The following RPS6KC1 variants were observed in gnomAD, a reference collection of about 807,000 sequenced individuals.
RPS6KC1 encodes the protein ribosomal protein S6 kinase C1, also known as inactive ribosomal protein S6 kinase delta-1.
Under a neutral mutation model 103.8 loss-of-function variants are expected in RPS6KC1, and 54 were observed. The observed-to-expected ratio is 0.52, with a 90% confidence interval of 0.42 to 0.65. The LOEUF is 0.65. RPS6KC1 is among the 30% of genes least tolerant of loss of function. The pLI, the probability that RPS6KC1 is intolerant of heterozygous loss-of-function variation, is 0.00. For synonymous variants in RPS6KC1, 439 were observed against 438.7 expected (o/e 1.00, Z -0.01); for missense variants, 1,151 against 1,253.8 (o/e 0.92, Z 1.24).
intron 12 of RPS6KC1, among the ~76,000 whole-genome samples, chr1:213,248,773 G>A (rs1221714124): frequency 6.6e-6 from 1 of 152,138 alleles, no homozygotes; most frequent in East Asian, 1.9e-4. Context: ...CTCCTATCAA[G>A]CCAGAATGCG....
chr1:213,849,729 T>C, the RPS6KC1 span, among the ~76,000 whole-genome samples: 2 of 152,210 alleles, frequency 1.3e-5, no homozygotes, highest in African/African-American at 4.8e-5. Context: ...GCACTATGTT[T>C]TACTTTTCAT....
the RPS6KC1 span, among the ~76,000 whole-genome samples, chr1:213,580,852 A>G: frequency 2.0e-5 from 3 of 152,046 alleles, no homozygotes; most frequent in East Asian, 1.9e-4. Context: ...TTAATGGACT[A>G]TAGTATAGTG....
chr1:213,463,480 T>C, the RPS6KC1 span, among the ~76,000 whole-genome samples: 1 of 152,192 alleles, frequency 6.6e-6, no homozygotes, highest in African/African-American at 2.4e-5. Context: ...GTGTACCTTT[T>C]ACTCAGTTTC....
the RPS6KC1 span, among the ~76,000 whole-genome samples, chr1:213,326,842 A>G: frequency 6.6e-6 from 1 of 152,200 alleles, no homozygotes; most frequent in Non-Finnish European, 1.5e-5. Context: ...GGCCTCACAG[A>G]TTCAGACAGA....
chr1:213,163,471 A>T (rs2090666632), intron 6 of RPS6KC1, among the ~76,000 whole-genome samples: 1 of 152,234 alleles, frequency 6.6e-6, no homozygotes, highest in Non-Finnish European at 1.5e-5. Flanking sequence ...AAAATTTCCC[A>T]CGAAACACAG....
the RPS6KC1 span, among the ~76,000 whole-genome samples, chr1:213,439,714 TA>T: frequency 6.6e-6 from 1 of 152,180 alleles, no homozygotes; most frequent in Admixed American, 6.5e-5. Flanking sequence ...GAACCCTTCT[TA>T]AAATGGTTCT....
chr1:213,571,996 C>A, the RPS6KC1 span, among the ~76,000 whole-genome samples: 1 of 152,178 alleles, frequency 6.6e-6, no homozygotes, highest in African/African-American at 2.4e-5. Context: ...TCTGAATTTC[C>A]CCAGAGGTTG....
the RPS6KC1 span, among the ~76,000 whole-genome samples, chr1:213,311,373 T>A: frequency 6.6e-6 from 1 of 152,092 alleles, no homozygotes; most frequent in Admixed American, 6.5e-5. Flanking sequence ...CTCCTGACCT[T>A]GTGATCCACC....
chr1:213,813,121 C>T, the RPS6KC1 span, among the ~76,000 whole-genome samples: 2 of 151,878 alleles, frequency 1.3e-5, no homozygotes, highest in Non-Finnish European at 1.5e-5. Flanking sequence ...TGTGGTGGCA[C>T]GCAACTGTAG....
the RPS6KC1 span, among the ~76,000 whole-genome samples, chr1:213,442,732 A>G: frequency 1.3e-5 from 2 of 152,170 alleles, no homozygotes; most frequent in Non-Finnish European, 2.9e-5. Context: ...GTGGACTTCC[A>G]TGGGGTTGTT....
intron 8 of RPS6KC1, among the ~76,000 whole-genome samples, chr1:213,223,616 G>A (rs191339096): frequency 6.6e-6 from 1 of 152,146 alleles, no homozygotes; most frequent in East Asian, 1.9e-4. Flanking sequence ...TTGGTCGCTG[G>A]GCACTTAGGT....
At chr1:213,209,857 A>C (rs1442313189) in intron 8 of RPS6KC1, among the ~76,000 whole-genome samples, 1 of 152,128 alleles carries the variant, frequency 6.6e-6, no homozygotes, top group African/African-American at 2.4e-5. Flanking sequence ...AAGGGGTGTG[A>C]ATTTCCCAGA....
At chr1:213,844,140 T>C in the RPS6KC1 span, among the ~76,000 whole-genome samples, 1 of 152,214 alleles carries the variant, frequency 6.6e-6, no homozygotes, top group Non-Finnish European at 1.5e-5. Context: ...AATGCACACA[T>C]TGTAATAAAC....
At chr1:213,363,459 G>A in the RPS6KC1 span, among the ~76,000 whole-genome samples, 1 of 152,162 alleles carries the variant, frequency 6.6e-6, no homozygotes, top group Non-Finnish European at 1.5e-5. Flanking sequence ...CATCATTAGG[G>A]AAGACCTTGT....
chr1:213,293,236 C>G, the RPS6KC1 span, among the ~76,000 whole-genome samples: 3 of 152,142 alleles, frequency 2.0e-5, no homozygotes, highest in Admixed American at 2.0e-4. Flanking sequence ...TAGTAAACAC[C>G]TCAACTTTTT....
At chr1:213,506,158 C>T in the RPS6KC1 span, among the ~76,000 whole-genome samples, 1 of 152,130 alleles carries the variant, frequency 6.6e-6, no homozygotes, top group Non-Finnish European at 1.5e-5. Context: ...CCATCTTGTA[C>T]TACAGTATAG....
the RPS6KC1 span, among the ~76,000 whole-genome samples, chr1:213,507,199 A>G: frequency 6.6e-6 from 1 of 152,330 alleles, no homozygotes; most frequent in African/African-American, 2.4e-5. Context: ...GTCACATTTT[A>G]GGATCCCCAC....
At position 213,167,837 on chromosome 1, in the gene RPS6KC1, T is replaced by C. The variant is rs372751505; in HGVS notation, c.836-21T>C. ...AACTGAGGAAAATTTATTTTTTACA[T>C]GTCCAGACTTTTTTTTTTAGGAGAG... On this transcript the variant is annotated intron_variant, in intron 6 of 14. Coordinates refer to ENST00000366960, the MANE Select transcript of RPS6KC1 (RefSeq NM_012424.6). 9 of 1,539,410 alleles carry C rather than the reference T, an allele frequency of 5.8e-6. 1 individual carries two copies. The highest frequency in any genetic ancestry group is 2.3e-5 in the East Asian group (1 of 44,364).
chr1:213,700,124 C>T, the RPS6KC1 span, among the ~76,000 whole-genome samples: 4 of 151,752 alleles, frequency 2.6e-5, no homozygotes, highest in African/African-American at 9.7e-5. Flanking sequence ...AATTTTTGCC[C>T]AGATCCATAT....
Sources: allele counts gnomAD v4.1 joint callset (sites outside exome capture counted in the v4.1 genomes callset), GRCh38; gene constraint gnomAD v4.1.1; transcripts MANE v1.5; gene names NCBI Gene and HGNC (gene_info 2026-07-23, HGNC 2026-07-21).